Variants in KRT83 observed in about 807,000 individuals in gnomAD.
KRT83 encodes keratin 83.
KRT83 carries 51 observed loss-of-function variants against 52.9 expected under a neutral mutation model. The observed-to-expected ratio is 0.96, with a 90% CI of 0.77 to 1.22. The LOEUF is 1.22. KRT83 is among the 50% of genes most tolerant of loss of function. The pLI is 0.00. For missense variants in KRT83, 654 were observed against 666.5 expected (o/e 0.98, Z 0.21); for synonymous variants, 278 against 274.1 (o/e 1.01, Z -0.14).
intron 1 of KRT83, 93 bp from the exon 2 acceptor site, chr12:52,319,457 C>G: frequency 6.4e-7 from 1 of 1,553,882 alleles, no homozygotes; most frequent in Non-Finnish European, 8.8e-7. Context: ...GCCCCCAACT[C>G]TCTGACCCAG....
chr12:52,316,650 A>G (rs1217154590), intron 5 of KRT83, 57 bp from the exon 6 acceptor site: 2 of 1,613,730 alleles, frequency 1.2e-6, no homozygotes, highest in South Asian at 1.1e-5. Flanking sequence ...TTCATTCAGG[A>G]CAGCTCAGAT....
chr12:52,316,999 T>C lies in KRT83; in HGVS notation c.775A>G (p.Ile259Val), dbSNP rs139293379. The change falls in exon 5 of 9, where the codon ATC becomes GTC. Residue 259 changes from isoleucine to valine, a missense_variant. Coordinates refer to ENST00000293670, the MANE Select transcript of KRT83 (RefSeq NM_002282.3). ...TTGACAACCACGGAGGTGTCTGAGATGTGGGATTGGAGAATGCGGATCTCC... is the reference window on the plus strand; with the variant it reads ...TTGACAACCACGGAGGTGTCTGAGACGTGGGATTGGAGAATGCGGATCTCC... ...EEEIRILQSH[I>V]SDTSVVVKLD... is the part of the protein sequence containing the mutation. 5 of 1,614,096 alleles carry C rather than the reference T, an allele frequency of 3.1e-6. No individual in the cohort carries two copies. Among genetic ancestry groups the C allele is most frequent in the Admixed American group, 1.7e-5 (1 of 60,012 alleles).
chr12:52,318,509 C>G (rs181025587), intron 2 of KRT83, among the ~76,000 whole-genome samples: 1 of 152,214 alleles, frequency 6.6e-6, no homozygotes, highest in Non-Finnish European at 1.5e-5. Flanking sequence ...GTGGGATCCT[C>G]GCTCTGTCTC....
chr12:52,316,339 A>T, intron 6 of KRT83, 129 bp downstream of exon 6: 2 of 1,396,636 alleles, frequency 1.4e-6, no homozygotes, highest in Non-Finnish European at 2.0e-6. Flanking sequence ...ATTTCAGTAG[A>T]TTTCTCATCT....
At chr12:52,316,627 A>G (rs1199684253) in intron 5 of KRT83, 34 bp from the exon 6 acceptor site, 2 of 1,614,166 alleles carry the variant, frequency 1.2e-6, no homozygotes, top group Non-Finnish European at 1.7e-6. Context: ...GAGGCTCAGG[A>G]TGAGACATCC....
chr12:52,318,805 C>T (rs1160582549), intron 2 of KRT83, among the ~76,000 whole-genome samples: 8 of 152,192 alleles, frequency 5.3e-5, no homozygotes, highest in Admixed American at 2.0e-4. Flanking sequence ...ACCAGCACAG[C>T]GTGCTGCATG....
In KRT83 at chr12:52,316,456, G is replaced by C; in HGVS notation, c.1041+12C>G. ...CTCTTCCTACACTGAGGGGTGGGCCGGGCTCTGGTACCTGGCACTTGGCAT... is the reference window on the plus strand; with the variant it reads ...CTCTTCCTACACTGAGGGGTGGGCCCGGCTCTGGTACCTGGCACTTGGCAT... On this transcript the variant is annotated intron_variant, in intron 6 of 8. Coordinates refer to ENST00000293670, the MANE Select transcript of KRT83 (RefSeq NM_002282.3). The C allele has an allele frequency of 6.2e-7, 1 of 1,614,026 alleles. No individual in the cohort carries two copies.
chr12:52,315,383 G>T, intron 7 of KRT83, 40 bp from the exon 8 acceptor site: 1 of 1,606,142 alleles, frequency 6.2e-7, no homozygotes, highest in Non-Finnish European at 8.5e-7. Context: ...GATAAAAGAA[G>T]TCAGAATGAG....
Position 52,316,489 on chromosome 12 carries a change from C to G in KRT83, c.1020G>C (p.Glu340Asp), listed in dbSNP as rs758792997. Residue 340 changes from glutamate to aspartate, a missense_variant, in exon 6 of 9, where the codon GAG becomes GAC. By Grantham distance (45) the Glu-to-Asp change is conservative. Coordinates refer to ENST00000293670, the MANE Select transcript of KRT83 (RefSeq NM_002282.3). ...GTACCTGGCACTTGGCATTCTCCACCTCGGCTGTCAGCCTCTGGATCATGC... is the reference window on the plus strand; with the variant it reads ...GTACCTGGCACTTGGCATTCTCCACGTCGGCTGTCAGCCTCTGGATCATGC... ...LNRMIQRLTA[E>D]VENAKCQNSK... is the part of the protein sequence containing the mutation. The G allele has an allele frequency of 1.2e-6, 2 of 1,614,144 alleles. No homozygotes were observed. The highest frequency in any genetic ancestry group is 1.7e-5 in the Admixed American group (1 of 60,020).
chr12:52,320,981 T>C lies in KRT83; in HGVS notation c.355A>G (p.Asn119Asp). The change falls in exon 1 of 9, where the codon AAC (asparagine) becomes GAC (aspartate). Residue 119 changes from asparagine to aspartate, a missense_variant. Asn to Asp is a conservative substitution (Grantham distance 23, BLOSUM62 1). Coordinates refer to ENST00000293670, the MANE Select transcript of KRT83 (RefSeq NM_002282.3). ...TCGATGAAGGCCGCGAATCTGCTGT[T>C]GAGGGACTTGATCTGCTCCTTCTCC... ...QEEKEQIKSLNSRFAAFIDKV... is the reference protein window; with the variant it reads ...QEEKEQIKSLDSRFAAFIDKV... 1 of 1,613,838 alleles carries C rather than the reference T, an allele frequency of 6.2e-7. No homozygotes were observed. Among genetic ancestry groups the C allele is most frequent in the Non-Finnish European group, 8.5e-7 (1 of 1,179,876 alleles).
At chr12:52,317,153 C>A in intron 4 of KRT83, 130 bp from the exon 5 acceptor site, 1 of 1,204,244 alleles carries the variant, frequency 8.3e-7, no homozygotes, top group Non-Finnish European at 1.2e-6. Context: ...GATGAAATCA[C>A]ATAACTTTCT....
intron 4 of KRT83, 49 bp downstream of exon 4, chr12:52,317,631 CA>C (rs1565755414): frequency 1.3e-6 from 2 of 1,589,200 alleles, no homozygotes; most frequent in Non-Finnish European, 1.7e-6. Flanking sequence ...GGCAGAGGGT[CA>C]GGGATCCCAT....
intron 7 of KRT83, 41 bp from the exon 8 acceptor site, chr12:52,315,384 T>A: frequency 6.2e-7 from 1 of 1,606,094 alleles, no homozygotes; most frequent in Non-Finnish European, 8.5e-7. Context: ...ATAAAAGAAG[T>A]CAGAATGAGG....
chr12:52,318,314 T>G (rs1938720061), intron 2 of KRT83, among the ~76,000 whole-genome samples: 1 of 152,100 alleles, frequency 6.6e-6, no homozygotes, highest in Non-Finnish European at 1.5e-5. Context: ...TAGCTGGGAC[T>G]ACAGGTGCCC....
chr12:52,315,537 G>A (rs563641343), intron 7 of KRT83, among the ~76,000 whole-genome samples, 194 bp from the exon 8 acceptor site: 30 of 152,328 alleles, frequency 2.0e-4, no homozygotes, highest in African/African-American at 7.0e-4. Context: ...AGTAGAGTAT[G>A]GTTGGATTTC....
chr12:52,315,451 C>T (rs1427781143), intron 7 of KRT83, 108 bp from the exon 8 acceptor site: 1 of 1,143,976 alleles, frequency 8.7e-7, no homozygotes, highest in African/African-American at 1.5e-5. Context: ...TTCTGACCTA[C>T]ATTTATTCCC....
At chr12:52,317,396 G>C (rs1938703798) in intron 4 of KRT83, among the ~76,000 whole-genome samples, 1 of 152,184 alleles carries the variant, frequency 6.6e-6, no homozygotes, top group African/African-American at 2.4e-5. Context: ...ATGCTGTGTG[G>C]GGTCTATGCT....
In KRT83 at chr12:52,314,326, G is replaced by C. The variant is rs1938651673; in HGVS notation, c.*305C>G. On this transcript the variant is annotated 3_prime_UTR_variant, in exon 9 of 9. Transcript: ENST00000293670. ...GCAGGTCCCCAAGTTTATTGGAAAA[G>C]GGGAGACAAGAGGCCAGAGAGGCAG... 3 of 481,962 alleles carry C rather than the reference G, an allele frequency of 6.2e-6. No individual in the cohort carries two copies. The highest frequency in any genetic ancestry group is 1.1e-5 in the Non-Finnish European group (3 of 261,534). 29.9% of individuals were successfully genotyped at this position (481,962 alleles called of 1,614,324 possible).
chr12:52,314,640 C>A lies in KRT83; in HGVS notation c.1473G>T (p.Gly491=). The A allele has an allele frequency of 6.4e-7, 1 of 1,567,040 alleles. No individual in the cohort carries two copies. Among genetic ancestry groups the A allele is most frequent in the Non-Finnish European group, 8.7e-7 (1 of 1,155,964 alleles). Residue 491 remains glycine, a synonymous_variant, in exon 9 of 9, where the codon GGG becomes GGT. Coordinates refer to ENST00000293670, the MANE Select transcript of KRT83 (RefSeq NM_002282.3). ...TTCGGGSCGQ[G]RH is the part of the protein sequence containing the mutation. ...CTCTCTTTTGGGCCACTTAATGCCT[C>A]CCCTGGCCGCAGGAGCCCCCTCCAC...
Sources: gnomAD v4.1 joint callset for allele counts (sites outside exome capture counted in the v4.1 genomes callset) on GRCh38, gnomAD v4.1.1 for gene constraint, MANE v1.5 for transcripts, NCBI Gene and HGNC (gene_info 2026-07-23, HGNC 2026-07-21) for gene names.